The following AK5 variants were observed in gnomAD, a reference collection of about 807,000 sequenced individuals.
The protein encoded by AK5 is adenylate kinase 5.
Under a neutral mutation model 69.5 loss-of-function variants are expected in AK5, and 27 were observed. The observed-to-expected ratio is 0.39, with a 90% confidence interval of 0.29 to 0.54. The LOEUF (loss-of-function observed/expected upper bound fraction) is 0.54. Ranked by LOEUF, AK5 falls within the 20% of genes least tolerant of loss-of-function variation. The pLI, the probability that AK5 is intolerant of heterozygous loss-of-function variation, is 0.71. For synonymous variants in AK5, 260 were observed against 244.4 expected, an observed-to-expected ratio of 1.06 and a Z score of -0.60; for missense variants, 531 against 700.4, an observed-to-expected ratio of 0.76 and a Z score of 2.73.
intron 5 of AK5, among the ~76,000 whole-genome samples, chr1:77,309,956 G>A (rs1285469716): frequency 6.6e-6 from 1 of 151,936 alleles, no homozygotes; most frequent in East Asian, 1.9e-4. Flanking sequence ...ATTGGAATTG[G>A]TGTATTTTTC....
intron 8 of AK5, among the ~76,000 whole-genome samples, chr1:77,422,372 C>T (rs541380211): frequency 2.0e-5 from 3 of 152,294 alleles, no homozygotes; most frequent in South Asian, 2.1e-4. Context: ...GGCTCTTCAT[C>T]GATTTCAGAA....
intron 13 of AK5, among the ~76,000 whole-genome samples, chr1:77,554,900 G>GC (rs933796622): frequency 2.0e-5 from 3 of 151,814 alleles, no homozygotes; most frequent in African/African-American, 7.3e-5. Flanking sequence ...ACAGGCGTGA[G>GC]CCACCATGCC....
At chr1:77,450,856 A>C (rs1653100209) in intron 8 of AK5, among the ~76,000 whole-genome samples, 1 of 152,176 alleles carries the variant, frequency 6.6e-6, no homozygotes, top group Non-Finnish European at 1.5e-5. Flanking sequence ...TATTTTGTTA[A>C]ATTTAATAAC....
At chr1:77,464,984 G>T (rs940989545) in intron 8 of AK5, among the ~76,000 whole-genome samples, 2 of 152,174 alleles carry the variant, frequency 1.3e-5, no homozygotes, top group African/African-American at 2.4e-5. Context: ...TCTTTGCCAA[G>T]AACCAGGGTG....
chr1:77,483,676 G>T (rs551233494), intron 9 of AK5, among the ~76,000 whole-genome samples: 4 of 152,166 alleles, frequency 2.6e-5, no homozygotes, highest in Admixed American at 6.5e-5. Flanking sequence ...GAAGATCCAA[G>T]TATATAATAG....
chr1:77,390,764 C>A (rs1365039291), intron 6 of AK5, among the ~76,000 whole-genome samples: 3 of 151,966 alleles, frequency 2.0e-5, no homozygotes, highest in Non-Finnish European at 4.4e-5. Flanking sequence ...GTATATAATA[C>A]TATATGTAGA....
chr1:77,502,187 A>T (rs925057042), intron 10 of AK5, among the ~76,000 whole-genome samples: 3 of 152,250 alleles, frequency 2.0e-5, no homozygotes, highest in Non-Finnish European at 4.4e-5. Context: ...AATTTTAGGT[A>T]CAAGCAGTCA....
chr1:77,472,419 G>A (rs550443122), intron 8 of AK5, among the ~76,000 whole-genome samples: 3 of 152,138 alleles, frequency 2.0e-5, no homozygotes, highest in Non-Finnish European at 1.5e-5. Context: ...TTTTTTAATA[G>A]AGAAAACCTC....
At chr1:77,526,556 A>G (rs1478222186) in intron 12 of AK5, among the ~76,000 whole-genome samples, 1 of 145,894 alleles carries the variant, frequency 6.9e-6, no homozygotes, top group Non-Finnish European at 1.5e-5. Context: ...GCTCACTGCA[A>G]GCTCTGCCTC....
At chr1:77,376,462 A>G (rs1647258829) in intron 6 of AK5, among the ~76,000 whole-genome samples, 1 of 135,612 alleles carries the variant, frequency 7.4e-6, no homozygotes, top group Admixed American at 7.7e-5. Context: ...AAAAAAAAAA[A>G]ACATGTCTTA....
chr1:77,387,309 A>G (rs1329258493), intron 6 of AK5, among the ~76,000 whole-genome samples: 1 of 152,240 alleles, frequency 6.6e-6, no homozygotes, highest in Non-Finnish European at 1.5e-5. Context: ...GGCATTGGCA[A>G]TGGAAAGGAG....
At chr1:77,495,232 C>T (rs911051665) in intron 10 of AK5, among the ~76,000 whole-genome samples, 1 of 152,186 alleles carries the variant, frequency 6.6e-6, no homozygotes, top group Non-Finnish European at 1.5e-5. Flanking sequence ...AGAATTGAGA[C>T]TCAGACCCAA....
intron 8 of AK5, among the ~76,000 whole-genome samples, chr1:77,429,128 G>A (rs1205807298): frequency 6.6e-6 from 1 of 152,116 alleles, no homozygotes. Flanking sequence ...GTAATGGGAT[G>A]GCTGGGTCAA....
chr1:77,292,858 T>C (rs1418287785), intron 2 of AK5, among the ~76,000 whole-genome samples: 1 of 152,176 alleles, frequency 6.6e-6, no homozygotes, highest in African/African-American at 2.4e-5. Context: ...GTGGTGCTTA[T>C]CAGAGAGATA....
chr1:77,410,392 C>G (rs538173988), intron 6 of AK5, among the ~76,000 whole-genome samples: 54 of 152,124 alleles, frequency 3.5e-4, no homozygotes, highest in African/African-American at 1.3e-3. Flanking sequence ...ATTCTCGTGC[C>G]TCAGCCTCCC....
intron 6 of AK5, among the ~76,000 whole-genome samples, chr1:77,347,483 G>A (rs1661972966): frequency 6.6e-6 from 1 of 152,148 alleles, no homozygotes; most frequent in East Asian, 1.9e-4. Context: ...ATTACTCAGT[G>A]TTGCCCACTT....
intron 6 of AK5, among the ~76,000 whole-genome samples, chr1:77,391,298 C>T (rs1648404617): frequency 6.6e-6 from 1 of 151,176 alleles, no homozygotes; most frequent in African/African-American, 2.4e-5. Context: ...GCTCTTAGCT[C>T]TTAGCTGCCA....
rs569535889 is a variant in AK5 at position 77,376,803 on chromosome 1, A to T, written c.892-34178A>T. Reference sequence around the variant, plus strand: ...AAAAGATAAAAAAAATTAGCTGATCATCATGGCTCCTTGGGAAGCTGAGGT... The same window carrying T: ...AAAAGATAAAAAAAATTAGCTGATCTTCATGGCTCCTTGGGAAGCTGAGGT... On this transcript the variant is annotated intron_variant, in intron 6 of 13. Coordinates refer to ENST00000354567, the MANE Select transcript of AK5 (RefSeq NM_174858.3). Among the ~76,000 whole-genome samples the T allele has an allele frequency of 2.0e-5, 3 of 152,180 alleles. No homozygotes were observed. The South Asian group carries it at 6.2e-4, about 32-fold the overall frequency.
intron 12 of AK5, among the ~76,000 whole-genome samples, chr1:77,531,525 T>C (rs150677818): frequency 0.02 from 3,070 of 152,262 alleles, 111 homozygotes; most frequent in African/African-American, 0.07. Context: ...CCAGAGTAGC[T>C]AGATACAGAG....
Sources: gnomAD v4.1 joint callset for allele counts (sites outside exome capture counted in the v4.1 genomes callset) on GRCh38, gnomAD v4.1.1 for gene constraint, MANE v1.5 for transcripts, NCBI Gene and HGNC (gene_info 2026-07-23, HGNC 2026-07-21) for gene names.